EGFLAM: variants seen among roughly 807,000 people sequenced by gnomAD.
EGFLAM encodes the protein pikachurin.
Under a neutral mutation model 113.1 loss-of-function variants are expected in EGFLAM, and 79 were observed. The ratio of observed to expected loss-of-function variants is 0.70; its 90% CI spans 0.58 to 0.84. The LOEUF is 0.84. Ranked by LOEUF, EGFLAM falls within the 40% of genes least tolerant of loss-of-function variation. The pLI, the probability that EGFLAM is intolerant of heterozygous loss-of-function variation, is 0.00. For synonymous variants in EGFLAM, 504 were observed against 487.6 expected (o/e 1.03, Z -0.44); for missense variants, 1,265 against 1,291.6 (o/e 0.98, Z 0.32).
intron 6 of EGFLAM, among the ~76,000 whole-genome samples, chr5:38,377,300 G>C (rs1251741357): frequency 6.6e-6 from 1 of 151,956 alleles, no homozygotes; most frequent in Non-Finnish European, 1.5e-5. Context: ...ACCATGCCCT[G>C]CTAATTTTTT....
chr5:38,274,747 A>C (rs1012358368), intron 1 of EGFLAM, among the ~76,000 whole-genome samples: 6 of 152,146 alleles, frequency 3.9e-5, no homozygotes, highest in African/African-American at 1.4e-4. Flanking sequence ...ATGAGTAATA[A>C]AAAAAATCTG....
At chr5:38,347,981 T>C (rs1028082226) in intron 3 of EGFLAM, among the ~76,000 whole-genome samples, 24 of 151,580 alleles carry the variant, frequency 1.6e-4, no homozygotes, top group African/African-American at 5.8e-4. Context: ...AGGTAACTGA[T>C]GAGATGGTGG....
intron 6 of EGFLAM, among the ~76,000 whole-genome samples, chr5:38,400,184 A>G (rs533611989): frequency 9.2e-5 from 14 of 152,324 alleles, no homozygotes; most frequent in Admixed American, 5.2e-4. Context: ...TTTGGATTGT[A>G]TGACTACCGA....
intron 17 of EGFLAM, among the ~76,000 whole-genome samples, chr5:38,447,075 G>A (rs1002904123): frequency 6.6e-6 from 1 of 151,984 alleles, no homozygotes; most frequent in South Asian, 2.1e-4. Context: ...CACCATTTCT[G>A]TATCTTTCCA....
At position 38,355,077 on chromosome 5, in the gene EGFLAM, T is replaced by G. The variant is rs564250142; in HGVS notation, c.545+2746T>G. ...AGAGAGCCGGAGATAAGGACTTGGGTGCAAATAGTTTATTTGGAAGTGGGA... is the reference window on the plus strand; with the variant it reads ...AGAGAGCCGGAGATAAGGACTTGGGGGCAAATAGTTTATTTGGAAGTGGGA... On this transcript the variant is annotated intron_variant, in intron 5 of 21. Transcript: ENST00000322350. Among the ~76,000 whole-genome samples, 21 of 152,134 alleles carry G rather than the reference T, an allele frequency of 1.4e-4. No individual in the cohort carries two copies. In the East Asian group the frequency reaches 4.1e-3, roughly 29 times the overall value.
chr5:38,274,701 A>G lies in EGFLAM; in HGVS notation c.97+15850A>G, dbSNP rs112126626. On this transcript the variant is annotated intron_variant, in intron 1 of 21. Transcript: ENST00000322350. The stretch of plus-strand genomic sequence containing the variant: ...CCAGACCTGTCTTACAAGAAATGCT[A>G]AAGGGAGTTCCTCAGGCTGAAAGAA... Among the ~76,000 whole-genome samples the G allele has an allele frequency of 4.1e-3, 626 of 152,296 alleles. 3 individuals are homozygous for G. Among genetic ancestry groups the G allele is most frequent in the African/African-American group, 0.014 (597 of 41,570 alleles).
At chr5:38,367,395 C>A (rs1159278194) in intron 5 of EGFLAM, among the ~76,000 whole-genome samples, 3 of 151,304 alleles carry the variant, frequency 2.0e-5, no homozygotes, top group Non-Finnish European at 4.4e-5. Context: ...TATAGGCATG[C>A]ACAACCATGC....
chr5:38,453,272 C>T lies in EGFLAM; in HGVS notation c.2687+1814C>T, dbSNP rs552695439. Among the ~76,000 whole-genome samples, 115 of 152,268 alleles carry T rather than the reference C, an allele frequency of 7.6e-4. 1 individual carries two copies. The highest frequency in any genetic ancestry group is 6.5e-4 in the Non-Finnish European group (44 of 68,006). On this transcript the variant is annotated intron_variant, in intron 19 of 21. Transcript: ENST00000322350. ...TTAATTCACCCTCTGATGACTAGCT[C>T]AAGTGTTTGCTAAATGATATGAAAG... is the stretch of plus-strand genomic sequence containing the variant.
At chr5:38,394,124 C>G (rs1167282517) in intron 6 of EGFLAM, among the ~76,000 whole-genome samples, 2 of 151,886 alleles carry the variant, frequency 1.3e-5, no homozygotes, top group Non-Finnish European at 2.9e-5. Flanking sequence ...TCTCTGCTCA[C>G]CGTTCAGCTG....
intron 14 of EGFLAM, 55 bp downstream of exon 14, chr5:38,427,307 C>T: frequency 1.9e-6 from 3 of 1,583,888 alleles, no homozygotes; most frequent in South Asian, 1.2e-5. Context: ...ATAGTAACTG[C>T]TTCAGAAAAA....
chr5:38,450,785 C>T (rs1292801503), intron 18 of EGFLAM, among the ~76,000 whole-genome samples: 1 of 151,774 alleles, frequency 6.6e-6, no homozygotes, highest in African/African-American at 2.4e-5. Context: ...GGCTCTGCCT[C>T]AACACCACTC....
At position 38,407,016 on chromosome 5, in the gene EGFLAM, G is replaced by A; in HGVS notation, c.1017G>A (p.Met339Ile). 6.2e-7 allele frequency: 1 copy of A among 1,614,190 alleles called. No homozygotes were observed. The change falls in exon 8 of 22, where the codon ATG (methionine) becomes ATA (isoleucine). Residue 339 changes from methionine to isoleucine, a missense_variant. Physicochemically the swap from Met to Ile is conservative, Grantham distance 10. Coordinates refer to ENST00000322350, the MANE Select transcript of EGFLAM (RefSeq NM_152403.4). ...QRKGKNGVAI[M>I]SRLFDMPCDE... ...AGGGGAAGAATGGTGTGGCCATAAT[G>A]TCAAGGCTCTTTGACATGCCTTGTG...
At position 38,377,143 on chromosome 5, in the gene EGFLAM, A is replaced by G. The variant is rs539378632; in HGVS notation, c.712+6681A>G. Among the ~76,000 whole-genome samples the G allele has an allele frequency of 4.7e-5, 7 of 149,130 alleles. No homozygotes were observed. The South Asian group carries it at 1.5e-3, about 32-fold the overall frequency. On this transcript the variant is annotated intron_variant, in intron 6 of 21. Transcript: ENST00000322350. ...TTGTGTTCTCTTTTTTTTTTTTGAG[A>G]CAGAGTCTCGCTCTGTCACCCAGGC...
intron 1 of EGFLAM, among the ~76,000 whole-genome samples, chr5:38,263,921 G>A (rs1188081591): frequency 1.8e-4 from 28 of 152,162 alleles, no homozygotes; most frequent in Admixed American, 1.8e-3. Context: ...CTCCAGCTTG[G>A]AAGGCTTGCT....
intron 10 of EGFLAM, among the ~76,000 whole-genome samples, chr5:38,409,311 C>T (rs148831829): frequency 0.012 from 1,882 of 152,312 alleles, 26 homozygotes; most frequent in Middle Eastern, 0.027. Flanking sequence ...GGAAATCATT[C>T]ATTCATTCAG....
chr5:38,310,730 A>G (rs1450536901), intron 1 of EGFLAM, among the ~76,000 whole-genome samples: 1 of 152,200 alleles, frequency 6.6e-6, no homozygotes. Flanking sequence ...AACATAACAC[A>G]AGGTGGCAGA....
chr5:38,418,361 C>T, intron 12 of EGFLAM, 106 bp downstream of exon 12: 1 of 1,365,260 alleles, frequency 7.3e-7, no homozygotes, highest in Non-Finnish European at 9.9e-7. Context: ...AGGTGCTACC[C>T]TGGGAAGCTG....
intron 6 of EGFLAM, among the ~76,000 whole-genome samples, chr5:38,377,796 G>C (rs190278422): frequency 6.9e-4 from 105 of 152,330 alleles, no homozygotes; most frequent in African/African-American, 2.5e-3. Flanking sequence ...TTAAATTCAA[G>C]GCTGTAAGGA....
At chr5:38,286,192 C>T (rs1182578394) in intron 1 of EGFLAM, 1 of 152,172 alleles carries the variant, frequency 6.6e-6, no homozygotes, top group African/African-American at 2.4e-5. Context: ...TTTTACTCCT[C>T]TTAACATCCG....
Sources: allele counts gnomAD v4.1 joint callset (sites outside exome capture counted in the v4.1 genomes callset), GRCh38; gene constraint gnomAD v4.1.1; transcripts MANE v1.5; gene names NCBI Gene and HGNC (gene_info 2026-07-23, HGNC 2026-07-21).